Variants in MEOX1 observed in about 807,000 individuals in gnomAD.
The protein encoded by MEOX1 is mesenchyme homeobox 1, also known as homeobox protein MOX-1.
MEOX1 carries 17 observed loss-of-function variants against 23.2 expected under a neutral mutation model. That is an observed-to-expected ratio of 0.73 (90% CI 0.50 to 1.10). The LOEUF (loss-of-function observed/expected upper bound fraction) is 1.10, where lower values mean the gene tolerates loss of function less well. MEOX1 is among the 50% of genes least tolerant of loss of function. MEOX1 has a pLI of 0.00. For missense variants in MEOX1, 333 were observed against 332.2 expected (o/e 1.00, Z -0.02); for synonymous variants, 134 against 135.1 (o/e 0.99, Z 0.06).
At chr17:43,645,440 G>C (rs1394534294) in intron 1 of MEOX1, among the ~76,000 whole-genome samples, 2 of 152,134 alleles carry the variant, frequency 1.3e-5, no homozygotes, top group Non-Finnish European at 2.9e-5. Context: ...GCCTCCCAAA[G>C]TGCTGGGATT....
In MEOX1 at chr17:43,641,843, T is replaced by TGG; in HGVS notation, c.*65_*66dup. 6.7e-7 allele frequency: 1 copy of TGG among 1,496,554 alleles called. No individual in the cohort carries two copies. 92.7% of individuals were successfully genotyped at this position (1,496,554 alleles called of 1,614,324 possible). A position where few individuals can be genotyped will look rare whatever the true frequency, so the allele number is the denominator to read the frequency against. ...GGCTGGGGAAGGAAGAGGGTGAAGG[T>TGG]GGGATTGGGGTGGGGGTAGTTGGGT... is the stretch of plus-strand genomic sequence containing the variant. On this transcript the variant is annotated 3_prime_UTR_variant, in exon 3 of 3. Transcript: ENST00000318579.
At position 43,640,995 on chromosome 17, in the gene MEOX1, C is replaced by T. The variant is rs1436345822; in HGVS notation, c.*915G>A. On this transcript the variant is annotated 3_prime_UTR_variant, in exon 3 of 3. Coordinates refer to ENST00000318579, the MANE Select transcript of MEOX1 (RefSeq NM_004527.4). ...CAGAATGCAGGGGACACTTTCCAGCCTCTACGTTGTTTTCAGCTCCTAGTT... is the reference window on the plus strand; with the variant it reads ...CAGAATGCAGGGGACACTTTCCAGCTTCTACGTTGTTTTCAGCTCCTAGTT... 1.3e-5 allele frequency: 2 copies of T among 152,170 alleles called. No individual in the cohort carries two copies. The highest frequency in any genetic ancestry group is 2.4e-5 in the African/African-American group (1 of 41,412). 9.4% of individuals were successfully genotyped at this position (152,170 alleles called of 1,614,324 possible).
Position 43,642,030 on chromosome 17 carries a change from G to A in MEOX1, c.645C>T (p.Val215=), listed in dbSNP as rs760261039. Residue 215 remains valine, a splice_region_variant and synonymous_variant, in exon 3 of 3, where the codon GTC becomes GTT. Transcript: ENST00000318579. ...AVNLDLSERQ[V]KVWFQNRRMK... ...TCCTTCGGTTCTGGAACCACACTTTGACCTGGGGGAGGAAGCAAAGGAGCC... is the reference window on the plus strand; with the variant it reads ...TCCTTCGGTTCTGGAACCACACTTTAACCTGGGGGAGGAAGCAAAGGAGCC... 6.2e-7 allele frequency: 1 copy of A among 1,612,864 alleles called. No individual in the cohort carries two copies. Among genetic ancestry groups the A allele is most frequent in the Non-Finnish European group, 8.5e-7 (1 of 1,179,354 alleles).
chr17:43,656,415 G>T (rs1040813515), intron 1 of MEOX1, among the ~76,000 whole-genome samples: 1 of 152,096 alleles, frequency 6.6e-6, no homozygotes, highest in African/African-American at 2.4e-5. Context: ...CCTGGGGCGG[G>T]GAGGTGGCCT....
chr17:43,644,257 A>G (rs2154588783), intron 1 of MEOX1, among the ~76,000 whole-genome samples: 1 of 152,370 alleles, frequency 6.6e-6, no homozygotes, highest in South Asian at 2.1e-4. Flanking sequence ...CAGTAGCACC[A>G]GGGAGCTGTT....
In MEOX1 at chr17:43,647,215, T is replaced by C. The variant is rs182590286; in HGVS notation, c.470-3555A>G. 2.3e-4 allele frequency among the ~76,000 whole-genome samples: 35 copies of C among 152,272 alleles called. No individual in the cohort carries two copies. The East Asian group carries it at 5.8e-3, about 25-fold the overall frequency. ...TGGGTTTGTGTGATAATTTGATTAA[T>C]AGCTGTCTCCCCAGGGAAACACTTT... On this transcript the variant is annotated intron_variant, in intron 1 of 2. Transcript: ENST00000318579.
In MEOX1 at chr17:43,643,470, G is replaced by T; in HGVS notation, c.642+18C>A. On this transcript the variant is annotated intron_variant, in intron 2 of 2. Transcript: ENST00000318579. ...AGATGAGAGAGCAAAGAAGAGGAGGGGCCCACCGGGGGCGCACCTGGCGCT... is the reference window on the plus strand; with the variant it reads ...AGATGAGAGAGCAAAGAAGAGGAGGTGCCCACCGGGGGCGCACCTGGCGCT... The T allele has an allele frequency of 1.3e-6, 2 of 1,551,068 alleles. No homozygotes were observed. The highest frequency in any genetic ancestry group is 1.7e-6 in the Non-Finnish European group (2 of 1,145,466).
chr17:43,649,290 CTTTTTT>C (rs10694288), intron 1 of MEOX1, among the ~76,000 whole-genome samples: 1 of 86,206 alleles, frequency 1.2e-5, no homozygotes, highest in Non-Finnish European at 2.1e-5. Flanking sequence ...GGCCTTTCAG[CTTTTTT>C]TTTTTTTTTT....
intron 2 of MEOX1, among the ~76,000 whole-genome samples, chr17:43,642,596 A>C (rs1454400475): frequency 2.0e-5 from 3 of 152,148 alleles, no homozygotes; most frequent in Non-Finnish European, 4.4e-5. Context: ...TGTCAACTGA[A>C]ATCTGCTATC....
In MEOX1 at chr17:43,643,551, A is replaced by G; in HGVS notation, c.579T>C (p.His193=). Reference sequence around the variant, plus strand: ...ATCTGCGGAGCCGAGTCAGGTAGTTATGATGGGCAAACTCTGCCTCCAGCT... The same window carrying G: ...ATCTGCGGAGCCGAGTCAGGTAGTTGTGATGGGCAAACTCTGCCTCCAGCT... ...LRELEAEFAH[H]NYLTRLRRYE... is the part of the protein sequence containing the mutation. The change falls in exon 2 of 3, where the codon CAT becomes CAC. Residue 193 remains histidine, a synonymous_variant. Transcript: ENST00000318579. The G allele has an allele frequency of 6.2e-7, 1 of 1,611,466 alleles. No homozygotes were observed. The highest frequency in any genetic ancestry group is 8.5e-7 in the Non-Finnish European group (1 of 1,179,072).
At chr17:43,657,410 C>T (rs988826372) in intron 1 of MEOX1, among the ~76,000 whole-genome samples, 1 of 149,188 alleles carries the variant, frequency 6.7e-6, no homozygotes, top group African/African-American at 2.5e-5. Flanking sequence ...CAGTCTTGAA[C>T]TCCTGGCCTC....
Position 43,661,074 on chromosome 17 carries a change from T to C in MEOX1, c.461A>G (p.Glu154Gly). 1 of 1,498,500 alleles carries C rather than the reference T, an allele frequency of 6.7e-7. No homozygotes were observed. Among genetic ancestry groups the C allele is most frequent in the Non-Finnish European group, 8.9e-7 (1 of 1,123,650 alleles). The allele number at this position is 1,498,500 out of a possible 1,614,324, so 92.8% of individuals were successfully genotyped here. Residue 154 changes from glutamate (E) to glycine (G), a missense_variant, in exon 1 of 3, where the codon GAG becomes GGG. Coordinates refer to ENST00000318579, the MANE Select transcript of MEOX1 (RefSeq NM_004527.4). ...TEKKSSRRRK[E>G]SSDNQENRGK... ...GCTCCTGAGCCACCTACCTGAACTCTCCTTTCTCCGCCTGGATGATTTCTT... is the reference window on the plus strand; with the variant it reads ...GCTCCTGAGCCACCTACCTGAACTCCCCTTTCTCCGCCTGGATGATTTCTT...
chr17:43,642,689 C>A (rs534763132), intron 2 of MEOX1, among the ~76,000 whole-genome samples: 1 of 152,140 alleles, frequency 6.6e-6, no homozygotes, highest in East Asian at 1.9e-4. Context: ...AAGTCCAAAA[C>A]AAAGGGCCAG....
At position 43,661,328 on chromosome 17, in the gene MEOX1, G is replaced by A; in HGVS notation, c.207C>T (p.Ala69=). 6.2e-7 allele frequency: 1 copy of A among 1,613,344 alleles called. No individual in the cohort carries two copies. The highest frequency in any genetic ancestry group is 8.5e-7 in the Non-Finnish European group (1 of 1,179,560). ...CCTCCTGGGGCAGGCTGTGTGGGGT[G>A]GCTGCCAGGCAGGAGGCTGAGAAGT... ...YPDFSASCLA[A]TPHSLPQEEH... Residue 69 remains alanine (A), a synonymous_variant, in exon 1 of 3, where the codon GCC becomes GCT. Transcript: ENST00000318579.
At chr17:43,657,008 C>CTT (rs1491060395) in intron 1 of MEOX1, among the ~76,000 whole-genome samples, 27 of 101,674 alleles carry the variant, frequency 2.7e-4, no homozygotes, top group South Asian at 1.8e-3. Context: ...TTCTTTCTTT[C>CTT]TTTCTCTTTC....
chr17:43,657,012 CTCTTTCTTTCTTTCTTTCTT>C (rs3034954), intron 1 of MEOX1, among the ~76,000 whole-genome samples: 4 of 105,086 alleles, frequency 3.8e-5, no homozygotes, highest in Non-Finnish European at 7.6e-5. Flanking sequence ...TTCTTTCTTT[CTCTTTCTTTCTTTCTTTCTT>C]TCTTTCTTTC....
In MEOX1 at chr17:43,643,585, T is replaced by C. The variant is rs947513630; in HGVS notation, c.545A>G (p.Gln182Arg). 3.7e-6 allele frequency: 6 copies of C among 1,613,274 alleles called. No individual in the cohort carries two copies. The highest frequency in any genetic ancestry group is 5.1e-6 in the Non-Finnish European group (6 of 1,179,856). Residue 182 changes from glutamine to arginine, a missense_variant, in exon 2 of 3, where the codon CAG (glutamine) becomes CGG (arginine). Physicochemically the swap from Gln to Arg is conservative, Grantham distance 43. Transcript: ENST00000318579. The stretch of plus-strand genomic sequence containing the variant: ...AAACTCTGCCTCCAGCTCTCGCAGC[T>C]GCTCCTTGGTGAAGGCCGTCCTCTC... ...RKERTAFTKE[Q>R]LRELEAEFAH...
intron 1 of MEOX1, among the ~76,000 whole-genome samples, chr17:43,646,329 G>C (rs992719711): frequency 6.6e-6 from 1 of 152,240 alleles, no homozygotes; most frequent in Non-Finnish European, 1.5e-5. Context: ...GGGCCGGGGA[G>C]GGTCGGTCAC....
intron 1 of MEOX1, among the ~76,000 whole-genome samples, chr17:43,652,444 G>A (rs1347278819): frequency 1.3e-5 from 2 of 152,188 alleles, no homozygotes; most frequent in African/African-American, 4.8e-5. Flanking sequence ...GTGCTCATAT[G>A]TGGGTTTGGG....
Sources: gnomAD v4.1 joint callset for allele counts (sites outside exome capture counted in the v4.1 genomes callset) on GRCh38, gnomAD v4.1.1 for gene constraint, MANE v1.5 for transcripts, NCBI Gene and HGNC (gene_info 2026-07-23, HGNC 2026-07-21) for gene names.